The following LHFPL2 variants were observed in gnomAD, a reference collection of about 807,000 sequenced individuals.
The protein encoded by LHFPL2 is LHFPL tetraspan subfamily member 2 protein.
Under a neutral mutation model 17.5 loss-of-function variants are expected in LHFPL2, and 7 were observed. The observed-to-expected ratio is 0.40, with a 90% confidence interval of 0.23 to 0.75. LHFPL2 has a LOEUF of 0.75. LHFPL2 is among the 30% of genes least tolerant of loss of function. The pLI is 0.37. For missense variants in LHFPL2, 241 were observed against 294.8 expected, an observed-to-expected ratio of 0.82 and a Z score of 1.34; for synonymous variants, 134 against 116.2, an observed-to-expected ratio of 1.15 and a Z score of -0.99.
chr5:78,601,785 C>T (rs1267469087), intron 2 of LHFPL2, among the ~76,000 whole-genome samples: 1 of 152,080 alleles, frequency 6.6e-6, no homozygotes, highest in African/African-American at 2.4e-5. Context: ...GGGGAATGCT[C>T]CTGCTCTAAC....
chr5:78,587,904 C>G (rs558835341), intron 2 of LHFPL2, among the ~76,000 whole-genome samples: 2 of 152,330 alleles, frequency 1.3e-5, no homozygotes, highest in Admixed American at 6.5e-5. Context: ...CCTTATGGCT[C>G]TGGAGGAAGC....
chr5:78,603,187 T>G (rs1352258188), intron 2 of LHFPL2, among the ~76,000 whole-genome samples: 3 of 152,130 alleles, frequency 2.0e-5, no homozygotes, highest in African/African-American at 7.2e-5. Context: ...CCACCATACC[T>G]AGCCGAGGTA....
At chr5:78,508,381 C>T (rs1754999524) in intron 4 of LHFPL2, among the ~76,000 whole-genome samples, 1 of 152,126 alleles carries the variant, frequency 6.6e-6, no homozygotes, top group African/African-American at 2.4e-5. Flanking sequence ...AGACTTGTCC[C>T]TTTGGGCCAG....
At chr5:78,576,046 A>T (rs1251852762) in intron 2 of LHFPL2, among the ~76,000 whole-genome samples, 1 of 152,336 alleles carries the variant, frequency 6.6e-6, no homozygotes, top group Middle Eastern at 3.4e-3. Flanking sequence ...CTGTAATCCC[A>T]GCACTTTGGG....
At chr5:78,514,642 G>A (rs552448672) in intron 3 of LHFPL2, among the ~76,000 whole-genome samples, 25 of 152,228 alleles carry the variant, frequency 1.6e-4, no homozygotes, top group Admixed American at 1.3e-4. Context: ...TGGATCACCC[G>A]GACAGAAACT....
At chr5:78,537,644 G>A (rs564347361) in intron 3 of LHFPL2, among the ~76,000 whole-genome samples, 9 of 152,238 alleles carry the variant, frequency 5.9e-5, no homozygotes, top group South Asian at 4.1e-4. Flanking sequence ...TTAAAGAGGC[G>A]CCAAGGCCAC....
intron 2 of LHFPL2, among the ~76,000 whole-genome samples, chr5:78,626,842 A>G (rs1745053088): frequency 6.6e-6 from 1 of 151,854 alleles, no homozygotes; most frequent in African/African-American, 2.4e-5. Flanking sequence ...GCACTTTGGG[A>G]GGCCGAGACA....
chr5:78,588,675 G>T (rs1013609375), intron 2 of LHFPL2, among the ~76,000 whole-genome samples: 2 of 152,154 alleles, frequency 1.3e-5, no homozygotes, highest in Non-Finnish European at 2.9e-5. Flanking sequence ...GAGCTCTGAG[G>T]CCAGCCAGGC....
intron 2 of LHFPL2, among the ~76,000 whole-genome samples, chr5:78,595,684 T>A (rs186643690): frequency 8.5e-5 from 13 of 152,212 alleles, no homozygotes; most frequent in African/African-American, 1.9e-4. Flanking sequence ...GCTAATTTTT[T>A]AAAATTTTTT....
chr5:78,560,614 C>A (rs1456983759), intron 3 of LHFPL2, among the ~76,000 whole-genome samples: 1 of 152,182 alleles, frequency 6.6e-6, no homozygotes, highest in African/African-American at 2.4e-5. Context: ...CCCTTGACAG[C>A]TTCATGAGGC....
intron 2 of LHFPL2, among the ~76,000 whole-genome samples, chr5:78,578,585 GCA>G (rs61127481): frequency 0.36 from 52,594 of 146,664 alleles, 9,615 homozygotes; most frequent in Non-Finnish European, 0.44. Context: ...TTGCATATGT[GCA>G]CACACACACA....
At chr5:78,638,464 G>A (rs1745541157) in intron 1 of LHFPL2, among the ~76,000 whole-genome samples, 1 of 152,210 alleles carries the variant, frequency 6.6e-6, no homozygotes, top group South Asian at 2.1e-4. Context: ...CTCCCTTCGA[G>A]GGCAGGACTA....
chr5:78,536,881 AG>A (rs550179823), intron 3 of LHFPL2, among the ~76,000 whole-genome samples: 15 of 152,328 alleles, frequency 9.8e-5, no homozygotes, highest in Admixed American at 7.8e-4. Flanking sequence ...TTCCAGCTTC[AG>A]CCAAATTCAA....
chr5:78,642,106 T>C (rs1231796827), intron 1 of LHFPL2: 1 of 152,224 alleles, frequency 6.6e-6, no homozygotes, highest in Non-Finnish European at 1.5e-5. Context: ...GTCGCCTTTT[T>C]GCTGCATCCT....
intron 2 of LHFPL2, among the ~76,000 whole-genome samples, chr5:78,572,511 T>TATATATATATAC (rs1389304693): frequency 1.8e-5 from 1 of 54,898 alleles, no homozygotes; most frequent in Non-Finnish European, 5.2e-5. Flanking sequence ...TATATATATA[T>TATATATATATAC]ACACACACAT....
At chr5:78,598,300 A>C (rs537831307) in intron 2 of LHFPL2, among the ~76,000 whole-genome samples, 2 of 152,236 alleles carry the variant, frequency 1.3e-5, no homozygotes, top group Non-Finnish European at 2.9e-5. Context: ...TATGATAATA[A>C]GCCAAGCACA....
chr5:78,537,748 T>C (rs1755993594), intron 3 of LHFPL2, among the ~76,000 whole-genome samples: 1 of 152,182 alleles, frequency 6.6e-6, no homozygotes, highest in South Asian at 2.1e-4. Context: ...AACTCTCCCT[T>C]TATCCCACCC....
At chr5:78,568,314 T>G (rs1429348830) in intron 2 of LHFPL2, among the ~76,000 whole-genome samples, 1 of 152,184 alleles carries the variant, frequency 6.6e-6, no homozygotes, top group African/African-American at 2.4e-5. Context: ...TTTTGCACAT[T>G]AAGGAGTTAA....
intron 4 of LHFPL2, among the ~76,000 whole-genome samples, chr5:78,495,800 G>A (rs1754586484): frequency 6.6e-6 from 1 of 152,242 alleles, no homozygotes; most frequent in Non-Finnish European, 1.5e-5. Flanking sequence ...TGTCCACGGA[G>A]TGCATGCCAT....
Sources: gnomAD v4.1 joint callset for allele counts (sites outside exome capture counted in the v4.1 genomes callset) on GRCh38, gnomAD v4.1.1 for gene constraint, MANE v1.5 for transcripts, NCBI Gene and HGNC (gene_info 2026-07-23, HGNC 2026-07-21) for gene names.